Variants in PPARGC1A observed in about 807,000 individuals in gnomAD.
PPARGC1A encodes the protein PPARG coactivator 1 alpha, also known as peroxisome proliferator-activated receptor gamma coactivator 1-alpha.
A neutral mutation model predicts 88.7 loss-of-function variants in PPARGC1A; 25 were observed. That is an observed-to-expected ratio of 0.28 (90% CI 0.21 to 0.39). The LOEUF (loss-of-function observed/expected upper bound fraction) is 0.39, where lower values mean the gene tolerates loss of function less well. Ranked by LOEUF, PPARGC1A falls within the 10% of genes least tolerant of loss-of-function variation. The pLI, the probability that PPARGC1A is intolerant of heterozygous loss-of-function variation, is 1.00. For synonymous variants in PPARGC1A, 363 were observed against 355.6 expected, an observed-to-expected ratio of 1.02 and a Z score of -0.24; for missense variants, 880 against 968.7, an observed-to-expected ratio of 0.91 and a Z score of 1.22.
At chr4:23,931,379 A>T in the PPARGC1A span, among the ~76,000 whole-genome samples, 1 of 152,100 alleles carries the variant, frequency 6.6e-6, no homozygotes, top group Non-Finnish European at 1.5e-5. Flanking sequence ...TCTGGGTAGA[A>T]GGTTACTGTA....
At chr4:24,194,452 A>G in the PPARGC1A span, among the ~76,000 whole-genome samples, 4 of 152,062 alleles carry the variant, frequency 2.6e-5, no homozygotes, top group Admixed American at 6.6e-5. Flanking sequence ...TGCTTTCTCT[A>G]CCTGCTGTCA....
chr4:23,995,858 T>C, the PPARGC1A span, among the ~76,000 whole-genome samples: 1 of 152,192 alleles, frequency 6.6e-6, no homozygotes, highest in South Asian at 2.1e-4. Context: ...TTTAGTTTTA[T>C]ATGTTCATTG....
chr4:24,129,502 T>TTA, the PPARGC1A span, among the ~76,000 whole-genome samples: 7 of 152,270 alleles, frequency 4.6e-5, no homozygotes, highest in Non-Finnish European at 1.5e-5. Flanking sequence ...AAAAGCAACA[T>TTA]AGTACATTGG....
chr4:24,300,324 A>ATTTTTTTTTTTTTTTTTTTTT, the PPARGC1A span, among the ~76,000 whole-genome samples: 1 of 45,028 alleles, frequency 2.2e-5, no homozygotes, highest in Non-Finnish European at 4.4e-5. Flanking sequence ...ATACAATAGC[A>ATTTTTTTTTTTTTTTTTTTTT]TTTTTTTTTT....
intron 2 of PPARGC1A, among the ~76,000 whole-genome samples, chr4:23,833,874 T>C (rs768198312): frequency 3.3e-5 from 5 of 152,176 alleles, no homozygotes; most frequent in Admixed American, 6.6e-5. Context: ...TTTAAAACTT[T>C]AATGCACTTG....
chr4:24,069,673 A>G, the PPARGC1A span, among the ~76,000 whole-genome samples: 1 of 152,336 alleles, frequency 6.6e-6, no homozygotes, highest in South Asian at 2.1e-4. Context: ...TTGAAAGAAT[A>G]AAGAATAAGT....
chr4:24,267,691 CT>C, the PPARGC1A span, among the ~76,000 whole-genome samples: 3 of 152,150 alleles, frequency 2.0e-5, no homozygotes, highest in African/African-American at 7.2e-5. Flanking sequence ...TCATACTTTA[CT>C]TTTAAAGTTT....
chr4:23,894,747 G>A (rs951945544), upstream of PPARGC1A, among the ~76,000 whole-genome samples: 3 of 152,044 alleles, frequency 2.0e-5, no homozygotes, highest in African/African-American at 7.2e-5. Flanking sequence ...CTGAGTTGCA[G>A]TCAATTGGAC....
the PPARGC1A span, among the ~76,000 whole-genome samples, chr4:24,016,163 A>G: frequency 6.6e-6 from 1 of 152,188 alleles, no homozygotes; most frequent in African/African-American, 2.4e-5. Flanking sequence ...GGAAACCATT[A>G]TTTTCATGCA....
At chr4:24,465,524 C>T in the PPARGC1A span, among the ~76,000 whole-genome samples, 3 of 152,180 alleles carry the variant, frequency 2.0e-5, no homozygotes, top group African/African-American at 7.2e-5. Context: ...TTCCTATGGT[C>T]TCTCTGGAAG....
chr4:24,258,502 G>A, the PPARGC1A span, among the ~76,000 whole-genome samples: 1 of 152,118 alleles, frequency 6.6e-6, no homozygotes, highest in African/African-American at 2.4e-5. Flanking sequence ...ACATTTTAGA[G>A]TAAGACAGTG....
chr4:24,215,003 C>T, the PPARGC1A span, among the ~76,000 whole-genome samples: 6 of 152,280 alleles, frequency 3.9e-5, no homozygotes, highest in Non-Finnish European at 7.4e-5. Context: ...TCTGTGGCTT[C>T]AATCCAGAGG....
chr4:24,097,047 TG>T, the PPARGC1A span, among the ~76,000 whole-genome samples: 1 of 152,056 alleles, frequency 6.6e-6, no homozygotes, highest in African/African-American at 2.4e-5. Context: ...TAAGCTATGA[TG>T]GTGCCACGGC....
At chr4:24,346,113 C>T in the PPARGC1A span, among the ~76,000 whole-genome samples, 109 of 152,256 alleles carry the variant, frequency 7.2e-4, 1 homozygote, top group African/African-American at 2.5e-3. Context: ...ACCATCCCTG[C>T]GTCCCTGGTA....
chr4:24,324,718 G>C, the PPARGC1A span, among the ~76,000 whole-genome samples: 1 of 152,124 alleles, frequency 6.6e-6, no homozygotes, highest in Non-Finnish European at 1.5e-5. Flanking sequence ...AATGGTCTGA[G>C]GTTCCTGACG....
chr4:23,877,411 G>A (rs770833594), intron 2 of PPARGC1A, among the ~76,000 whole-genome samples: 4 of 145,520 alleles, frequency 2.7e-5, no homozygotes, highest in East Asian at 2.0e-4. Context: ...TGTAGCAGTC[G>A]CCTGTAGTCC....
chr4:24,093,226 T>C, the PPARGC1A span, among the ~76,000 whole-genome samples: 20 of 152,238 alleles, frequency 1.3e-4, no homozygotes, highest in African/African-American at 4.8e-4. Flanking sequence ...TACTCAATGC[T>C]ACTCGATACT....
the PPARGC1A span, among the ~76,000 whole-genome samples, chr4:24,205,428 CAAAATTAGCCAGAACCACTGGCTG>C: frequency 6.6e-6 from 1 of 152,100 alleles, no homozygotes; most frequent in Non-Finnish European, 1.5e-5. Context: ...AGAAGGAAGA[CAAAATTAGCCAGAACCACTGGCTG>C]AAAAACTAGA....
the PPARGC1A span, among the ~76,000 whole-genome samples, chr4:24,264,061 T>G: frequency 4.6e-5 from 7 of 152,184 alleles, no homozygotes; most frequent in African/African-American, 1.7e-4. Context: ...CTTATGATTT[T>G]CTTAACATTT....
Sources: gnomAD v4.1 joint callset for allele counts (sites outside exome capture counted in the v4.1 genomes callset) on GRCh38, gnomAD v4.1.1 for gene constraint, MANE v1.5 for transcripts, NCBI Gene and HGNC (gene_info 2026-07-23, HGNC 2026-07-21) for gene names.